The following MYLK variants were observed in gnomAD, a reference collection of about 807,000 sequenced individuals.
The protein encoded by MYLK is myosin light chain kinase, smooth muscle.
Under a neutral mutation model 203.4 loss-of-function variants are expected in MYLK, and 106 were observed. That is an observed-to-expected ratio of 0.52 (90% confidence interval 0.45 to 0.61). The LOEUF is 0.61. Ranked by LOEUF, MYLK falls within the 20% of genes least tolerant of loss-of-function variation. MYLK has a pLI of 0.00. For missense variants in MYLK, 2,072 were observed against 2,442.3 expected (o/e 0.85, Z 3.20); for synonymous variants, 867 against 959.5 (o/e 0.90, Z 1.78).
At position 123,617,477 on chromosome 3, in the gene MYLK, G is replaced by A. The variant is rs543059437; in HGVS notation, c.5500+1162C>T. 2.6e-5 allele frequency: 4 copies of A among 152,316 alleles called. No individual in the cohort carries two copies. In the South Asian group the frequency reaches 6.2e-4, roughly 24 times the overall value. The allele number at this position is 152,316 out of a possible 1,614,324, so 9.4% of individuals were successfully genotyped here. A position where few individuals can be genotyped will look rare whatever the true frequency, so the allele number is the denominator to read the frequency against. ...GGAAAGGAAAATGACTATGGTAGGC[G>A]AAGCATTGATAAGGCACTTTGATAA... is the stretch of plus-strand genomic sequence containing the variant. On this transcript the variant is annotated intron_variant, in intron 33 of 33. Transcript: ENST00000360304.
At chr3:123,655,518 T>TC (rs1415064387) in intron 24 of MYLK, among the ~76,000 whole-genome samples, 6 of 152,192 alleles carry the variant, frequency 3.9e-5, no homozygotes, top group African/African-American at 1.4e-4. Context: ...TAGGATACCT[T>TC]CCCTCGGCTA....
At chr3:123,818,129 T>C (rs2065808044) in intron 3 of MYLK, among the ~76,000 whole-genome samples, 1 of 152,148 alleles carries the variant, frequency 6.6e-6, no homozygotes, top group South Asian at 2.1e-4. Flanking sequence ...GGGGGCACTG[T>C]ATTATTCAAG....
At chr3:123,859,553 T>C (rs901246038) in intron 2 of MYLK, among the ~76,000 whole-genome samples, 4 of 152,230 alleles carry the variant, frequency 2.6e-5, no homozygotes, top group East Asian at 1.9e-4. Context: ...TCACAAGCCA[T>C]GCATTTCCAA....
At position 123,817,671 on chromosome 3, in the gene MYLK, G is replaced by A. The variant is rs781683092; in HGVS notation, c.-4+13877C>T. On this transcript the variant is annotated intron_variant, in intron 3 of 33. Coordinates refer to ENST00000360304, the MANE Select transcript of MYLK (RefSeq NM_053025.4). ...CAACAGTGGGCCTCATGTGTGCAAC[G>A]AGATTTGCCAGGGTATAGCTGAGCC... 1.6e-4 allele frequency among the ~76,000 whole-genome samples: 25 copies of A among 152,330 alleles called. 1 individual carries two copies. The highest frequency in any genetic ancestry group is 5.9e-4 in the Admixed American group (9 of 15,298).
intron 3 of MYLK, among the ~76,000 whole-genome samples, chr3:123,818,834 T>C (rs1398311984): frequency 6.6e-6 from 1 of 152,236 alleles, no homozygotes; most frequent in East Asian, 1.9e-4. Context: ...CAACAATTCA[T>C]GGAGAGCTCT....
intron 1 of MYLK, among the ~76,000 whole-genome samples, chr3:123,879,517 G>C (rs2033381603): frequency 6.6e-6 from 1 of 152,040 alleles, no homozygotes; most frequent in South Asian, 2.1e-4. Context: ...CTTTAATTCT[G>C]TTAATGAAAC....
At chr3:123,869,708 C>T (rs2032610377) in intron 2 of MYLK, among the ~76,000 whole-genome samples, 1 of 152,118 alleles carries the variant, frequency 6.6e-6, no homozygotes, top group African/African-American at 2.4e-5. Flanking sequence ...CTTAACATAC[C>T]CCTCACAACA....
At chr3:123,731,925 A>G (rs2062490127) in intron 11 of MYLK, among the ~76,000 whole-genome samples, 1 of 151,984 alleles carries the variant, frequency 6.6e-6, no homozygotes, top group Non-Finnish European at 1.5e-5. Flanking sequence ...GCAGAAGATT[A>G]TCAAAAATTA....
At chr3:123,766,948 A>C (rs1393970852) in intron 4 of MYLK, among the ~76,000 whole-genome samples, 1 of 152,206 alleles carries the variant, frequency 6.6e-6, no homozygotes, top group Non-Finnish European at 1.5e-5. Context: ...GCTGGGGAGC[A>C]CCAAAGGGGT....
intron 20 of MYLK, among the ~76,000 whole-genome samples, chr3:123,679,322 A>C (rs867949229): frequency 5.3e-5 from 8 of 151,368 alleles, no homozygotes; most frequent in African/African-American, 1.2e-4. Context: ...AAAAAAAAAA[A>C]CAAAACAAGA....
intron 4 of MYLK, among the ~76,000 whole-genome samples, chr3:123,772,236 G>A (rs2063907243): frequency 6.6e-6 from 1 of 152,114 alleles, no homozygotes; most frequent in African/African-American, 2.4e-5. Context: ...GATATGGAAT[G>A]TTAAAAAGCA....
At chr3:123,675,377 A>G (rs562539016) in intron 20 of MYLK, among the ~76,000 whole-genome samples, 58 of 152,164 alleles carry the variant, frequency 3.8e-4, no homozygotes, top group African/African-American at 1.1e-3. Context: ...AGTCCTGGGG[A>G]AAAAAAAGGA....
At chr3:123,684,651 A>T (rs1245981916) in intron 19 of MYLK, among the ~76,000 whole-genome samples, 2 of 152,030 alleles carry the variant, frequency 1.3e-5, no homozygotes, top group Admixed American at 6.5e-5. Context: ...GGTTCAAGTG[A>T]TTCTCATGCC....
chr3:123,678,849 G>A (rs942038923), intron 20 of MYLK, among the ~76,000 whole-genome samples: 1 of 152,134 alleles, frequency 6.6e-6, no homozygotes, highest in Admixed American at 6.5e-5. Flanking sequence ...AGTATTTTTG[G>A]GGCGTGAGTA....
intron 8 of MYLK, chr3:123,735,730 A>C: frequency 2.7e-6 from 1 of 370,120 alleles, no homozygotes. Context: ...TGAAAATTCC[A>C]AACCCAAATG....
chr3:123,843,460 G>T (rs1470493845), intron 2 of MYLK, among the ~76,000 whole-genome samples: 1 of 152,074 alleles, frequency 6.6e-6, no homozygotes, highest in Non-Finnish European at 1.5e-5. Context: ...TATATATGTA[G>T]CTTGCTTCAA....
chr3:123,837,168 G>C (rs1477161894), intron 2 of MYLK, among the ~76,000 whole-genome samples: 1 of 152,070 alleles, frequency 6.6e-6, no homozygotes, highest in Non-Finnish European at 1.5e-5. Flanking sequence ...TGAGTAGCTG[G>C]GTTACAGGCA....
At chr3:123,790,764 C>T (rs1386460502) in intron 4 of MYLK, among the ~76,000 whole-genome samples, 1 of 152,210 alleles carries the variant, frequency 6.6e-6, no homozygotes, top group Non-Finnish European at 1.5e-5. Flanking sequence ...AACTTTCTCA[C>T]ATCTGTGGTG....
chr3:123,692,306 G>A (rs765874767), intron 19 of MYLK: 48 of 1,135,076 alleles, frequency 4.2e-5, no homozygotes, highest in East Asian at 2.4e-4. Context: ...TCTCCCACAC[G>A]GACCTCGCTC....
Sources: allele counts gnomAD v4.1 joint callset (sites outside exome capture counted in the v4.1 genomes callset), GRCh38; gene constraint gnomAD v4.1.1; transcripts MANE v1.5; gene names NCBI Gene and HGNC (gene_info 2026-07-23, HGNC 2026-07-21).